LMX1A: variants seen among roughly 807,000 people sequenced by gnomAD.
LMX1A encodes the protein LIM homeobox transcription factor 1-alpha.
LMX1A carries 15 observed loss-of-function variants against 49.1 expected under a neutral mutation model. The ratio of observed to expected loss-of-function variants is 0.31; its 90% CI spans 0.20 to 0.47. The LOEUF is 0.47. Among genes scored for constraint, LMX1A ranks in the 20% least tolerant of loss-of-function variants. The pLI is 1.00. For synonymous variants in LMX1A, 167 were observed against 185.7 expected, an observed-to-expected ratio of 0.90 and a Z score of 0.82; for missense variants, 372 against 475.8, an observed-to-expected ratio of 0.78 and a Z score of 2.03.
intron 3 of LMX1A, among the ~76,000 whole-genome samples, chr1:165,278,022 T>C (rs1369797610): frequency 6.6e-6 from 1 of 152,244 alleles, no homozygotes; most frequent in Non-Finnish European, 1.5e-5. Context: ...ACATATCAGC[T>C]AATTTAATCC....
chr1:165,264,782 C>A (rs1270765458), intron 3 of LMX1A, among the ~76,000 whole-genome samples: 1 of 152,006 alleles, frequency 6.6e-6, no homozygotes, highest in Non-Finnish European at 1.5e-5. Flanking sequence ...CTTGGGGAGA[C>A]CCCGTCTCAA....
intron 3 of LMX1A, among the ~76,000 whole-genome samples, chr1:165,258,270 T>C (rs1039327726): frequency 1.3e-5 from 2 of 152,090 alleles, no homozygotes; most frequent in Non-Finnish European, 2.9e-5. Flanking sequence ...GAAGGAGAGA[T>C]GGTGAGAGAA....
At chr1:165,236,985 G>A (rs765120846) in intron 4 of LMX1A, among the ~76,000 whole-genome samples, 2 of 152,002 alleles carry the variant, frequency 1.3e-5, no homozygotes, top group Non-Finnish European at 2.9e-5. Flanking sequence ...AATGTAGGCT[G>A]TGTGAGAGCA....
chr1:165,328,347 C>G lies in LMX1A; in HGVS notation c.263+24729G>C, dbSNP rs566317332. On this transcript the variant is annotated intron_variant, in intron 3 of 8. Coordinates refer to ENST00000342310, the MANE Select transcript of LMX1A (RefSeq NM_177398.4). ...ATCTGTCGCTGGGCAGGAGGCTGTC[C>G]CATAGTGCTATGTCCACAGTGAGGA... Among the ~76,000 whole-genome samples the G allele has an allele frequency of 1.9e-4, 29 of 152,296 alleles. No homozygotes were observed. In the South Asian group the frequency reaches 6.0e-3, roughly 32 times the overall value.
intron 3 of LMX1A, among the ~76,000 whole-genome samples, chr1:165,273,817 G>A (rs1334732944): frequency 2.6e-5 from 4 of 152,110 alleles, no homozygotes; most frequent in South Asian, 4.1e-4. Flanking sequence ...TCAAGATGAC[G>A]GTGCAAGAGG....
intron 3 of LMX1A, among the ~76,000 whole-genome samples, chr1:165,339,220 A>G (rs990484998): frequency 1.3e-5 from 2 of 152,262 alleles, no homozygotes; most frequent in Non-Finnish European, 2.9e-5. Context: ...ACAACGCTAC[A>G]AAACAGCAGT....
Position 165,355,640 on chromosome 1 carries a change from C to A in LMX1A, c.-22-59G>T. The A allele has an allele frequency of 1.5e-6, 2 of 1,299,176 alleles. No individual in the cohort carries two copies. Among genetic ancestry groups the A allele is most frequent in the Non-Finnish European group, 2.2e-6 (2 of 912,240 alleles). 80.5% of individuals were successfully genotyped at this position (1,299,176 alleles called of 1,614,324 possible). A position where few individuals can be genotyped will look rare whatever the true frequency, so the allele number is the denominator to read the frequency against. On this transcript the variant is annotated intron_variant, in intron 1 of 8. Coordinates refer to ENST00000342310, the MANE Select transcript of LMX1A (RefSeq NM_177398.4). The surrounding 1 kb of genome is among the most constrained non-coding windows in gnomAD (Gnocchi z 4.7). ...CGTGCCCGCTGGGACTCGGCGCCAG[C>A]AGCCACCGCACTCCTGGGAAAGAAC... is the stretch of plus-strand genomic sequence containing the variant.
intron 3 of LMX1A, among the ~76,000 whole-genome samples, chr1:165,294,108 G>A (rs1654551082): frequency 6.6e-6 from 1 of 152,210 alleles, no homozygotes; most frequent in Admixed American, 6.5e-5. Context: ...CAGCTGATCA[G>A]TAGGGACTAA....
intron 8 of LMX1A, among the ~76,000 whole-genome samples, chr1:165,205,138 A>G (rs1441777541): frequency 6.6e-6 from 1 of 152,216 alleles, no homozygotes; most frequent in Admixed American, 6.5e-5. Context: ...ATTACACAGT[A>G]CAGACCAATG....
At chr1:165,273,965 C>T (rs971013982) in intron 3 of LMX1A, among the ~76,000 whole-genome samples, 1 of 152,212 alleles carries the variant, frequency 6.6e-6, no homozygotes, top group South Asian at 2.1e-4. Flanking sequence ...ATACCCAAGA[C>T]GTTCCTCAAG....
chr1:165,336,381 C>A (rs1655899158), intron 3 of LMX1A, among the ~76,000 whole-genome samples: 1 of 152,170 alleles, frequency 6.6e-6, no homozygotes, highest in African/African-American at 2.4e-5. Context: ...AATCTAGGGA[C>A]CCTCTTCCCC....
At chr1:165,298,143 A>G (rs1654669801) in intron 3 of LMX1A, among the ~76,000 whole-genome samples, 1 of 152,162 alleles carries the variant, frequency 6.6e-6, no homozygotes, top group Non-Finnish European at 1.5e-5. Context: ...CAAGTACCCA[A>G]GCTCAGGGCT....
intron 4 of LMX1A, among the ~76,000 whole-genome samples, chr1:165,231,495 G>T (rs1652240822): frequency 6.6e-6 from 1 of 152,082 alleles, no homozygotes; most frequent in Non-Finnish European, 1.5e-5. Flanking sequence ...TGTTGCCCAG[G>T]CTGGTCTGGA....
intron 3 of LMX1A, among the ~76,000 whole-genome samples, chr1:165,258,097 C>T (rs773635318): frequency 1.3e-5 from 2 of 152,176 alleles, no homozygotes; most frequent in Non-Finnish European, 2.9e-5. Context: ...GTGTATCATT[C>T]AGTTTCCACC....
chr1:165,244,739 C>T (rs1032137528), intron 4 of LMX1A, among the ~76,000 whole-genome samples: 4 of 152,072 alleles, frequency 2.6e-5, no homozygotes, highest in Non-Finnish European at 2.9e-5. Context: ...AAGTGTCTAC[C>T]AATCTCAAGA....
chr1:165,237,901 T>C (rs1571169075), intron 4 of LMX1A, among the ~76,000 whole-genome samples: 1 of 152,314 alleles, frequency 6.6e-6, no homozygotes, highest in South Asian at 2.1e-4. Context: ...GGAATGTCAG[T>C]GCAAGAAAAC....
chr1:165,355,004 C>T lies in LMX1A; in HGVS notation c.76+480G>A, dbSNP rs1216334291. 6.6e-6 allele frequency among the ~76,000 whole-genome samples: 1 copy of T among 152,122 alleles called. No individual in the cohort carries two copies. Among genetic ancestry groups the T allele is most frequent in the Non-Finnish European group, 1.5e-5 (1 of 68,044 alleles). ...CGGTCTAATCCCCGCGCTGCGTTGC[C>T]TACTGGCCCAGAAAAGTCTCTCTCG... On this transcript the variant is annotated intron_variant, in intron 2 of 8. Coordinates refer to ENST00000342310, the MANE Select transcript of LMX1A (RefSeq NM_177398.4). The surrounding 1 kb of genome is among the most constrained non-coding windows in gnomAD (Gnocchi z 4.7).
chr1:165,331,088 T>C (rs531668010), intron 3 of LMX1A, among the ~76,000 whole-genome samples: 91 of 152,222 alleles, frequency 6.0e-4, no homozygotes, highest in South Asian at 2.3e-3. Flanking sequence ...TAATGTGTCA[T>C]GTCCAGGACA....
intron 4 of LMX1A, among the ~76,000 whole-genome samples, chr1:165,230,790 A>G (rs1445476955): frequency 6.6e-6 from 1 of 152,154 alleles, no homozygotes; most frequent in Non-Finnish European, 1.5e-5. Flanking sequence ...CAGCCCCCAA[A>G]TCTAGGATTC....
Sources: allele counts gnomAD v4.1 joint callset (sites outside exome capture counted in the v4.1 genomes callset), GRCh38; gene constraint gnomAD v4.1.1; non-coding constraint Gnocchi (gnomAD v3.1); transcripts MANE v1.5; gene names NCBI Gene and HGNC (gene_info 2026-07-23, HGNC 2026-07-21).